The following BAZ2B variants were observed in gnomAD, a reference collection of about 807,000 sequenced individuals.
BAZ2B encodes the protein bromodomain adjacent to zinc finger domain protein 2B.
In BAZ2B, 91 loss-of-function variants were observed where a neutral mutation model predicts 246.0. The observed-to-expected ratio is 0.37, with a 90% confidence interval of 0.31 to 0.44. BAZ2B has a LOEUF of 0.44. Among genes scored for constraint, BAZ2B ranks in the 20% least tolerant of loss-of-function variants. BAZ2B has a pLI of 1.00. For synonymous variants in BAZ2B, 855 were observed against 860.0 expected (o/e 0.99, Z 0.10); for missense variants, 2,332 against 2,533.7 (o/e 0.92, Z 1.71).
intron 2 of BAZ2B, among the ~76,000 whole-genome samples, chr2:159,501,257 G>A (rs1230664220): frequency 9.7e-6 from 1 of 103,010 alleles, no homozygotes; most frequent in Non-Finnish European, 2.0e-5. Flanking sequence ...AGCTGAGCAT[G>A]GTGGCTTGCA....
intron 1 of BAZ2B, among the ~76,000 whole-genome samples, chr2:159,584,818 G>C (rs2151656631): frequency 6.6e-6 from 1 of 152,250 alleles, no homozygotes; most frequent in South Asian, 2.1e-4. Context: ...GAATGGCTTA[G>C]AACCATACCC....
intron 1 of BAZ2B, among the ~76,000 whole-genome samples, chr2:159,594,324 A>G (rs577603988): frequency 6.6e-6 from 1 of 152,310 alleles, no homozygotes; most frequent in South Asian, 2.1e-4. Context: ...GGAGAATGGC[A>G]TGAACCCGGG....
chr2:159,516,755 T>C (rs749676331), intron 2 of BAZ2B: 2 of 152,354 alleles, frequency 1.3e-5, no homozygotes, highest in Non-Finnish European at 2.9e-5. Context: ...CAAGTAATCG[T>C]TCTTTTCTTA....
chr2:159,592,065 A>G (rs554963763), intron 1 of BAZ2B, among the ~76,000 whole-genome samples: 12 of 152,136 alleles, frequency 7.9e-5, no homozygotes, highest in African/African-American at 2.9e-4. Context: ...GGCTGCAGTG[A>G]GTCATGGGTG....
intron 34 of BAZ2B, among the ~76,000 whole-genome samples, chr2:159,330,994 T>C (rs941716527): frequency 1.3e-5 from 2 of 152,146 alleles, no homozygotes; most frequent in Non-Finnish European, 2.9e-5. Context: ...AGAGGGTTTT[T>C]GTTTAGTTTT....
the BAZ2B span, among the ~76,000 whole-genome samples, chr2:159,711,100 CAA>C: frequency 2.2e-4 from 34 of 152,206 alleles, no homozygotes; most frequent in Non-Finnish European, 4.7e-4. Flanking sequence ...CTTGAGATAA[CAA>C]AGGTAGTAAG....
chr2:159,705,870 G>A, the BAZ2B span, among the ~76,000 whole-genome samples: 2 of 150,742 alleles, frequency 1.3e-5, no homozygotes, highest in African/African-American at 4.9e-5. Context: ...AAAATCAATA[G>A]AAATGAAAAA....
chr2:159,466,748 C>T (rs957648433), intron 3 of BAZ2B, among the ~76,000 whole-genome samples: 2 of 152,120 alleles, frequency 1.3e-5, no homozygotes, highest in African/African-American at 2.4e-5. Context: ...GGTGTTAAGT[C>T]CCAGCCACGG....
the BAZ2B span, among the ~76,000 whole-genome samples, chr2:159,674,394 GAA>G: frequency 7.2e-6 from 1 of 139,324 alleles, no homozygotes; most frequent in Non-Finnish European, 1.6e-5. Flanking sequence ...GAAAAGAAAA[GAA>G]AAGAGAAGAG....
chr2:159,349,870 G>T lies in BAZ2B; in HGVS notation c.4701C>A (p.Pro1567=). 6.2e-7 allele frequency: 1 copy of T among 1,614,186 alleles called. No homozygotes were observed. ...CATGAGTAAGTGAAGTGTCATCACA[G>T]GGTGTTCGTGGCAAAAGACTAAACC... ...RQWFSLLPRT[P]CDDTSLTHAD... Residue 1567 remains proline, a synonymous_variant, in exon 28 of 37, where the codon CCC becomes CCA. Transcript: ENST00000392783.
At chr2:159,399,865 G>A (rs2064696283) in intron 17 of BAZ2B, among the ~76,000 whole-genome samples, 1 of 152,142 alleles carries the variant, frequency 6.6e-6, no homozygotes. Context: ...TTTGAGACAT[G>A]CCTGCTTAGA....
At chr2:159,570,777 G>T (rs939294977) in intron 1 of BAZ2B, among the ~76,000 whole-genome samples, 1 of 152,190 alleles carries the variant, frequency 6.6e-6, no homozygotes, top group African/African-American at 2.4e-5. Context: ...GGTTGGATAA[G>T]TGTGGTAATC....
At chr2:159,621,614 T>C in the BAZ2B span, among the ~76,000 whole-genome samples, 3 of 152,080 alleles carry the variant, frequency 2.0e-5, no homozygotes, top group Non-Finnish European at 2.9e-5. Flanking sequence ...CAAGTACATA[T>C]GGAAATTTAG....
chr2:159,608,567 C>T (rs538558210), intron 1 of BAZ2B, among the ~76,000 whole-genome samples: 1 of 152,238 alleles, frequency 6.6e-6, no homozygotes, highest in South Asian at 2.1e-4. Context: ...TTTGAATTTT[C>T]CTTCCTTTAT....
chr2:159,637,657 A>G, the BAZ2B span, among the ~76,000 whole-genome samples: 4 of 152,122 alleles, frequency 2.6e-5, no homozygotes, highest in Non-Finnish European at 4.4e-5. Context: ...TCCCACACTC[A>G]AGCAATCCTC....
intron 2 of BAZ2B, among the ~76,000 whole-genome samples, chr2:159,527,234 G>T (rs2084850163): frequency 6.6e-6 from 1 of 152,008 alleles, no homozygotes; most frequent in African/African-American, 2.4e-5. Flanking sequence ...CTTTTCATGT[G>T]TTCAGCTGAC....
the BAZ2B span, among the ~76,000 whole-genome samples, chr2:159,702,242 A>C: frequency 6.6e-6 from 1 of 152,196 alleles, no homozygotes; most frequent in African/African-American, 2.4e-5. Context: ...AAAGTGTTAT[A>C]TTTTTAATTA....
chr2:159,370,615 G>A (rs550698096), intron 27 of BAZ2B, among the ~76,000 whole-genome samples: 4 of 151,794 alleles, frequency 2.6e-5, no homozygotes, highest in African/African-American at 7.3e-5. Context: ...CTCGTGATCC[G>A]CCCGTCTCCG....
At chr2:159,481,827 C>A (rs1469461393) in intron 2 of BAZ2B, among the ~76,000 whole-genome samples, 1 of 151,130 alleles carries the variant, frequency 6.6e-6, no homozygotes, top group Non-Finnish European at 1.5e-5. Flanking sequence ...AGGTTGGAGA[C>A]TAAGGAGACT....
Sources: gnomAD v4.1 joint callset for allele counts (sites outside exome capture counted in the v4.1 genomes callset) on GRCh38, gnomAD v4.1.1 for gene constraint, MANE v1.5 for transcripts, NCBI Gene and HGNC (gene_info 2026-07-23, HGNC 2026-07-21) for gene names.